The following DOCK1 variants were observed in gnomAD, a reference collection of about 807,000 sequenced individuals.
DOCK1 encodes dedicator of cytokinesis protein 1.
In DOCK1, 138 loss-of-function variants were observed where a neutral mutation model predicts 262.7. The ratio of observed to expected loss-of-function variants is 0.53; its 90% CI spans 0.46 to 0.61. The LOEUF (loss-of-function observed/expected upper bound fraction) is 0.61, where lower values mean the gene tolerates loss of function less well. Ranked by LOEUF, DOCK1 falls within the 20% of genes least tolerant of loss-of-function variation. The probability of loss-of-function intolerance (pLI) is 0.00; values close to 1 mark genes in which losing one functional copy is unlikely to be tolerated. For missense variants in DOCK1, 1,908 were observed against 2,370.7 expected (o/e 0.80, Z 4.05); for synonymous variants, 866 against 867.4 (o/e 1.00, Z 0.03).
At chr10:127,430,336 T>C (rs2069196028) in intron 47 of DOCK1, among the ~76,000 whole-genome samples, 1 of 152,156 alleles carries the variant, frequency 6.6e-6, no homozygotes, top group Non-Finnish European at 1.5e-5. Context: ...TCAGAGGCTG[T>C]TGGGAGGGGT....
chr10:127,197,248 C>T (rs1014310769), intron 27 of DOCK1, among the ~76,000 whole-genome samples: 3 of 152,248 alleles, frequency 2.0e-5, no homozygotes, highest in African/African-American at 4.8e-5. Flanking sequence ...ACCCTACCCC[C>T]CATCCAGAGC....
At chr10:127,202,246 C>T (rs909108757) in intron 27 of DOCK1, among the ~76,000 whole-genome samples, 30 of 151,878 alleles carry the variant, frequency 2.0e-4, no homozygotes, top group African/African-American at 7.3e-4. Context: ...TCACTTGAAC[C>T]TGGGAGGTGA....
chr10:127,084,674 A>G (rs1283163734), intron 23 of DOCK1, among the ~76,000 whole-genome samples: 1 of 152,188 alleles, frequency 6.6e-6, no homozygotes, highest in Non-Finnish European at 1.5e-5. Flanking sequence ...GAGGGAATGG[A>G]GCTCAAACTT....
At chr10:126,946,527 C>A (rs957286749) in intron 1 of DOCK1, among the ~76,000 whole-genome samples, 27 of 152,278 alleles carry the variant, frequency 1.8e-4, no homozygotes, top group Middle Eastern at 6.8e-3. Flanking sequence ...GTCTGGGCAA[C>A]AGAGCGAGAC....
intron 29 of DOCK1, among the ~76,000 whole-genome samples, chr10:127,286,660 A>G (rs2061164403): frequency 6.6e-6 from 1 of 152,126 alleles, no homozygotes; most frequent in African/African-American, 2.4e-5. Context: ...TGTCGTTCAT[A>G]AATATTTCAG....
At chr10:127,312,296 C>T (rs919174768) in intron 29 of DOCK1, among the ~76,000 whole-genome samples, 2 of 152,192 alleles carry the variant, frequency 1.3e-5, no homozygotes, top group South Asian at 4.1e-4. Context: ...TCACCAGGCT[C>T]TCCAGTACGG....
intron 27 of DOCK1, among the ~76,000 whole-genome samples, chr10:127,159,209 C>T (rs1022129320): frequency 2.0e-5 from 3 of 152,172 alleles, no homozygotes; most frequent in Non-Finnish European, 4.4e-5. Context: ...ATTTACATTT[C>T]TGTTTTGTAG....
intron 25 of DOCK1, among the ~76,000 whole-genome samples, chr10:127,113,805 C>T (rs751336752): frequency 3.9e-5 from 6 of 152,188 alleles, no homozygotes; most frequent in African/African-American, 1.4e-4. Context: ...ACAGAGCATT[C>T]AGCCTTCCTC....
intron 6 of DOCK1, among the ~76,000 whole-genome samples, chr10:126,991,173 ATCC>A (rs2039757663): frequency 1.3e-5 from 2 of 152,152 alleles, no homozygotes; most frequent in African/African-American, 4.8e-5. Flanking sequence ...CATAGCAGGC[ATCC>A]CCCCAGCTCT....
intron 1 of DOCK1, among the ~76,000 whole-genome samples, chr10:126,933,099 TC>T (rs2034304404): frequency 6.6e-6 from 1 of 151,988 alleles, no homozygotes; most frequent in Non-Finnish European, 1.5e-5. Flanking sequence ...GTGGGGACCT[TC>T]CTCTGGGAGG....
Position 127,338,970 on chromosome 10 carries a change from A to C in DOCK1, c.3045-36A>C, listed in dbSNP as rs1411672802. The C allele has an allele frequency of 3.9e-6, 6 of 1,530,276 alleles. No homozygotes were observed. In the African/African-American group the frequency reaches 4.1e-5, roughly 11 times the overall value. The allele number at this position is 1,530,276 out of a possible 1,614,324, so 94.8% of individuals were successfully genotyped here. A position where few individuals can be genotyped will look rare whatever the true frequency, so the allele number is the denominator to read the frequency against. On this transcript the variant is annotated intron_variant, in intron 29 of 51. Coordinates refer to ENST00000623213, the MANE Select transcript of DOCK1 (RefSeq NM_001290223.2). ...AAACCTACCGAAGTGCCAGAGCGTA[A>C]GTGTGTAATTATGTAATTTTCTCTT... is the stretch of plus-strand genomic sequence containing the variant.
chr10:127,133,868 A>C (rs1335713870), intron 27 of DOCK1, among the ~76,000 whole-genome samples: 1 of 152,212 alleles, frequency 6.6e-6, no homozygotes, highest in Non-Finnish European at 1.5e-5. Flanking sequence ...ACTTTCAGTA[A>C]ATAAAGTGGC....
At chr10:127,435,827 G>T (rs1331668728) in intron 48 of DOCK1, among the ~76,000 whole-genome samples, 2 of 152,200 alleles carry the variant, frequency 1.3e-5, no homozygotes, top group African/African-American at 2.4e-5. Context: ...TGGAGAAAAT[G>T]AGGCTTTGGT....
At chr10:127,056,009 G>T (rs1339541734) in intron 22 of DOCK1, among the ~76,000 whole-genome samples, 4 of 152,174 alleles carry the variant, frequency 2.6e-5, no homozygotes, top group Admixed American at 6.5e-5. Flanking sequence ...TTCTTTGCTG[G>T]TATAACTTGT....
At chr10:127,395,978 A>T (rs1207438400) in intron 38 of DOCK1, among the ~76,000 whole-genome samples, 1 of 152,230 alleles carries the variant, frequency 6.6e-6, no homozygotes, top group Non-Finnish European at 1.5e-5. Flanking sequence ...GCGAGGGTGC[A>T]CACTGAGCAG....
chr10:127,093,227 C>CTTTCTTTCTTTCTTTTCT (rs2047668583), intron 23 of DOCK1, among the ~76,000 whole-genome samples: 1 of 67,830 alleles, frequency 1.5e-5, no homozygotes, highest in African/African-American at 5.8e-5. Context: ...TCTTTTCTTT[C>CTTTCTTTCTTTCTTTTCT]TTTCTTTCTT....
Position 126,918,346 on chromosome 10 carries a change from C to T in DOCK1, c.46+12783C>T, listed in dbSNP as rs768523509. Among the ~76,000 whole-genome samples the T allele has an allele frequency of 4.5e-4, 69 of 152,252 alleles. 1 individual carries two copies. The highest frequency in any genetic ancestry group is 1.3e-3 in the Admixed American group (20 of 15,288). On this transcript the variant is annotated intron_variant, in intron 1 of 51. Transcript: ENST00000623213. ...GATGCCTGGGCTTGCATGCCGCTGC[C>T]GCTGCCTACTGGTGCGTGGCGGTAG...
intron 29 of DOCK1, among the ~76,000 whole-genome samples, chr10:127,335,096 T>G (rs1466950553): frequency 6.6e-6 from 1 of 152,238 alleles, no homozygotes; most frequent in Non-Finnish European, 1.5e-5. Context: ...CATCCACTTA[T>G]TCATTCATTC....
At chr10:127,197,088 T>C (rs2134190346) in intron 27 of DOCK1, among the ~76,000 whole-genome samples, 1 of 152,268 alleles carries the variant, frequency 6.6e-6, no homozygotes, top group Admixed American at 6.5e-5. Flanking sequence ...CTTTCAGTGC[T>C]GGCTCCAACC....
Sources: allele counts gnomAD v4.1 joint callset (sites outside exome capture counted in the v4.1 genomes callset), GRCh38; gene constraint gnomAD v4.1.1; transcripts MANE v1.5; gene names NCBI Gene and HGNC (gene_info 2026-07-23, HGNC 2026-07-21).